LSM14A: variants seen among roughly 807,000 people sequenced by gnomAD.
LSM14A encodes the protein LSM14A mRNA processing body assembly factor, also known as protein LSM14 homolog A.
In LSM14A, 14 loss-of-function variants were observed where a neutral mutation model predicts 52.4. The observed-to-expected ratio is 0.27, with a 90% CI of 0.18 to 0.42. LSM14A has a LOEUF of 0.42. Among genes scored for constraint, LSM14A ranks in the 10% least tolerant of loss-of-function variants. LSM14A has a pLI of 1.00. For missense variants in LSM14A, 417 were observed against 581.8 expected (o/e 0.72, Z 2.91); for synonymous variants, 185 against 200.3 (o/e 0.92, Z 0.64).
chr19:34,202,849 G>C (rs377627135), intron 3 of LSM14A, among the ~76,000 whole-genome samples: 1 of 152,062 alleles, frequency 6.6e-6, no homozygotes, highest in Non-Finnish European at 1.5e-5. Context: ...AGTAGAGACG[G>C]GGTTTCACCG....
chr19:34,222,735 A>G lies in LSM14A; in HGVS notation c.1368+997A>G, dbSNP rs145303170. On this transcript the variant is annotated intron_variant, in intron 9 of 9. Transcript: ENST00000544216. ...TTGTGCCATCACAGCCAAGACTGCC[A>G]AAAATTATACTCAAGTCACCAGCTT... Among the ~76,000 whole-genome samples, 439 of 152,308 alleles carry G rather than the reference A, an allele frequency of 2.9e-3. 6 individuals carry two copies. Among genetic ancestry groups the G allele is most frequent in the African/African-American group, 0.01 (428 of 41,562 alleles).
chr19:34,202,458 A>C (rs1599692324), intron 3 of LSM14A, among the ~76,000 whole-genome samples: 1 of 149,742 alleles, frequency 6.7e-6, no homozygotes, highest in South Asian at 2.1e-4. Context: ...ACGCCACTGC[A>C]CTCCAGCTTG....
chr19:34,202,519 T>C (rs1161809186), intron 3 of LSM14A, among the ~76,000 whole-genome samples: 1 of 151,530 alleles, frequency 6.6e-6, no homozygotes, highest in African/African-American at 2.4e-5. Flanking sequence ...ATCTTGCTTA[T>C]AGTGAAAAAC....
At chr19:34,186,775 T>C (rs1036942834) in intron 1 of LSM14A, among the ~76,000 whole-genome samples, 2 of 152,202 alleles carry the variant, frequency 1.3e-5, no homozygotes, top group African/African-American at 4.8e-5. Context: ...ACATCATAAA[T>C]CTTATTCTAA....
chr19:34,198,674 C>T (rs2071048332), intron 3 of LSM14A, among the ~76,000 whole-genome samples: 1 of 151,392 alleles, frequency 6.6e-6, no homozygotes. Context: ...GATGCTATTA[C>T]ATATTAAATT....
chr19:34,217,615 C>T (rs1599717155), intron 6 of LSM14A, among the ~76,000 whole-genome samples: 3 of 25,524 alleles, frequency 1.2e-4, no homozygotes, highest in African/African-American at 2.1e-4. Context: ...TCCCCCCCCC[C>T]CGTGTTTTTT....
At chr19:34,206,008 A>G (rs1415905257) in intron 3 of LSM14A, among the ~76,000 whole-genome samples, 12 of 152,230 alleles carry the variant, frequency 7.9e-5, no homozygotes, top group Admixed American at 7.2e-4. Context: ...ATGTCAACAA[A>G]TGTGATAGTT....
In LSM14A at chr19:34,227,603, TA is replaced by T. The variant is rs2073407631; in HGVS notation, c.*216del. The T allele has an allele frequency of 2.1e-6, 1 of 468,884 alleles. No homozygotes were observed. The highest frequency in any genetic ancestry group is 4.3e-5 in the Admixed American group (1 of 23,324). The allele number at this position is 468,884 out of a possible 1,614,324, so 29.0% of individuals were successfully genotyped here. A position where few individuals can be genotyped will look rare whatever the true frequency, so the allele number is the denominator to read the frequency against. ...CTCATCTTAAAACATGAGCATTAAA[TA>T]TATTTGGAATAGCAGAAGGTTAAGT... On this transcript the variant is annotated 3_prime_UTR_variant, in exon 10 of 10. Transcript: ENST00000544216.
At chr19:34,211,176 G>A (rs550986566) in intron 4 of LSM14A, among the ~76,000 whole-genome samples, 6 of 151,580 alleles carry the variant, frequency 4.0e-5, no homozygotes, top group South Asian at 2.1e-4. Flanking sequence ...GCATGGTGGC[G>A]TGCACCTGTA....
chr19:34,172,522 G>T lies in LSM14A; in HGVS notation c.-121G>T. ...GGAGGGTAGCGGAGCCGGCGCCGCC[G>T]CCATGTTGGGTCTGAAGCGGCTGCT... is the stretch of plus-strand genomic sequence containing the variant. On this transcript the variant is annotated 5_prime_UTR_variant, in exon 1 of 10. Coordinates refer to ENST00000544216, the MANE Select transcript of LSM14A (RefSeq NM_015578.4). The T allele has an allele frequency of 8.8e-7, 1 of 1,135,890 alleles. No individual in the cohort carries two copies. Among genetic ancestry groups the T allele is most frequent in the Non-Finnish European group, 1.1e-6 (1 of 886,930 alleles). The allele number at this position is 1,135,890 out of a possible 1,614,324, so 70.4% of individuals were successfully genotyped here.
At chr19:34,214,376 A>G (rs2072417052) in intron 4 of LSM14A, among the ~76,000 whole-genome samples, 1 of 151,778 alleles carries the variant, frequency 6.6e-6, no homozygotes, top group South Asian at 2.1e-4. Flanking sequence ...CAGTGGCACA[A>G]TCTCGGCTCA....
At chr19:34,182,260 C>CA (rs1315642147) in intron 1 of LSM14A, among the ~76,000 whole-genome samples, 1 of 152,014 alleles carries the variant, frequency 6.6e-6, no homozygotes, top group Non-Finnish European at 1.5e-5. Flanking sequence ...TCTTAGTGAA[C>CA]CTATGTTTTC....
At chr19:34,209,349 C>T (rs1047487192) in intron 4 of LSM14A, among the ~76,000 whole-genome samples, 1 of 152,104 alleles carries the variant, frequency 6.6e-6, no homozygotes, top group African/African-American at 2.4e-5. Flanking sequence ...TCAAATTAGG[C>T]TCATACTCAC....
At position 34,192,316 on chromosome 19, in the gene LSM14A, G is replaced by GTTTTTTTTTTTTTTTTTTTTT. The variant is rs1306000214; in HGVS notation, c.122-2160_122-2159insTTTTTTTTTTTTTTTTTTTTT. On this transcript the variant is annotated intron_variant, in intron 1 of 9. Coordinates refer to ENST00000544216, the MANE Select transcript of LSM14A (RefSeq NM_015578.4). ...TTTACACTGAAATAACATTCTTTTT[G>GTTTTTTTTTTTTTTTTTTTTT]TTGTTTTTTTTTTTTTTTTTTTTTT... Among the ~76,000 whole-genome samples, 25 of 65,778 alleles carry GTTTTTTTTTTTTTTTTTTTTT rather than the reference G, an allele frequency of 3.8e-4. 2 individuals carry two copies. Among genetic ancestry groups the GTTTTTTTTTTTTTTTTTTTTT allele is most frequent in the Non-Finnish European group, 4.9e-4 (17 of 34,552 alleles). The allele number at this position is 65,778 out of a possible 152,430, so 43.2% of individuals were successfully genotyped here. A position where few individuals can be genotyped will look rare whatever the true frequency, so the allele number is the denominator to read the frequency against.
intron 1 of LSM14A, among the ~76,000 whole-genome samples, chr19:34,175,632 A>C (rs369272608): frequency 6.6e-6 from 1 of 152,236 alleles, no homozygotes; most frequent in Non-Finnish European, 1.5e-5. Context: ...ATTAGTCTAC[A>C]TGATATTATC....
Position 34,221,648 on chromosome 19 carries a change from C to T in LSM14A, c.1278C>T (p.Gly426=), listed in dbSNP as rs369761404. ...GTGGTGGCAGAGGGCGTGGTGGTGGCAGAGGTGGTACCTTCACTGCCCCTC... is the reference window on the plus strand; with the variant it reads ...GTGGTGGCAGAGGGCGTGGTGGTGGTAGAGGTGGTACCTTCACTGCCCCTC... ...GFRGGRGRGG[G]RGGTFTAPRG... Residue 426 remains glycine, a synonymous_variant, in exon 9 of 10, where the codon GGC becomes GGT. Transcript: ENST00000544216. 1.4e-4 allele frequency: 226 copies of T among 1,614,042 alleles called. 3 individuals are homozygous for T. In the Middle Eastern group the frequency reaches 6.6e-3, roughly 47 times the overall value.
chr19:34,212,560 C>A (rs1252480793), intron 4 of LSM14A, among the ~76,000 whole-genome samples: 2 of 151,986 alleles, frequency 1.3e-5, no homozygotes, highest in African/African-American at 4.8e-5. Context: ...ATGACAAGTC[C>A]TAAGAGTTTG....
At chr19:34,182,769 G>A (rs948392543) in intron 1 of LSM14A, among the ~76,000 whole-genome samples, 8 of 149,470 alleles carry the variant, frequency 5.4e-5, no homozygotes, top group African/African-American at 7.4e-5. Flanking sequence ...GTGTGAACCC[G>A]GGAGGCGGAG....
rs773765743 is a variant in LSM14A, at chr19:34,215,179, A to G, written c.594A>G (p.Ala198=). Residue 198 remains alanine, a synonymous_variant, in exon 5 of 10, where the codon GCA becomes GCG. Transcript: ENST00000544216. ...PLRKSPTMEQ[A]VQTASAHLPA... The stretch of plus-strand genomic sequence containing the variant: ...GAAAAAGCCCAACCATGGAACAAGC[A>G]GTGCAGACCGCCTCAGCCCACTTAC... 4 of 1,614,118 alleles carry G rather than the reference A, an allele frequency of 2.5e-6. No homozygotes were observed. Among genetic ancestry groups the G allele is most frequent in the Non-Finnish European group, 2.5e-6 (3 of 1,180,022 alleles).
Sources: allele counts gnomAD v4.1 joint callset (sites outside exome capture counted in the v4.1 genomes callset), GRCh38; gene constraint gnomAD v4.1.1; transcripts MANE v1.5; gene names NCBI Gene and HGNC (gene_info 2026-07-23, HGNC 2026-07-21).